Variants in CSMD1 observed in about 807,000 individuals in gnomAD.
CSMD1 encodes the protein CUB and Sushi multiple domains 1, also known as CUB and sushi domain-containing protein 1.
A neutral mutation model predicts 417.5 loss-of-function variants in CSMD1; 213 were observed. The ratio of observed to expected loss-of-function variants is 0.51; its 90% CI spans 0.46 to 0.57. The LOEUF (loss-of-function observed/expected upper bound fraction) is 0.57. Among genes scored for constraint, CSMD1 ranks in the 20% least tolerant of loss-of-function variants. The pLI, the probability that CSMD1 is intolerant of heterozygous loss-of-function variation, is 0.00. For missense variants in CSMD1, 6,923 were observed against 4,529.7 expected (o/e 1.53, Z -15.17); for synonymous variants, 2,862 against 1,736.8 (o/e 1.65, Z -16.11).
In CSMD1 at chr8:3,099,242, A is replaced by T. The variant is rs151209513; in HGVS notation, c.6950-2205T>A. ...CAGAGGGAGGTCGTGGGAAGCATAA[A>T]TAAACTTTACCTACACCCTCCTGTA... is the stretch of plus-strand genomic sequence containing the variant. On this transcript the variant is annotated intron_variant, in intron 46 of 69. Transcript: ENST00000635120. 5.5e-4 allele frequency among the ~76,000 whole-genome samples: 83 copies of T among 152,288 alleles called. 1 individual carries two copies. In the East Asian group the frequency reaches 0.015, roughly 28 times the overall value.
At chr8:3,989,419 A>T (rs1202748573) in intron 5 of CSMD1, among the ~76,000 whole-genome samples, 1 of 152,204 alleles carries the variant, frequency 6.6e-6, no homozygotes, top group Non-Finnish European at 1.5e-5. Flanking sequence ...AACACTCTCC[A>T]AGCTAGGTAA....
chr8:4,792,920 T>A, intron 1 of CSMD1, among the ~76,000 whole-genome samples: 1 of 151,978 alleles, frequency 6.6e-6, no homozygotes. Flanking sequence ...TAGAGTTCAG[T>A]ATGATTAAAA....
At chr8:3,922,635 A>C (rs374840690) in intron 5 of CSMD1, among the ~76,000 whole-genome samples, 11 of 152,306 alleles carry the variant, frequency 7.2e-5, no homozygotes, top group African/African-American at 2.6e-4. Flanking sequence ...ATAAAAATGT[A>C]AATTTGGTCA....
At chr8:3,833,689 C>T (rs1215258964) in intron 5 of CSMD1, among the ~76,000 whole-genome samples, 1 of 152,072 alleles carries the variant, frequency 6.6e-6, no homozygotes, top group Admixed American at 6.6e-5. Context: ...TCCTTTTCTT[C>T]AATCTTTCTG....
chr8:3,823,525 T>C (rs1215084847), intron 5 of CSMD1, among the ~76,000 whole-genome samples: 1 of 152,106 alleles, frequency 6.6e-6, no homozygotes, highest in Admixed American at 6.5e-5. Context: ...CATTTTGTTA[T>C]AAAAATAAAG....
At chr8:3,979,997 C>T (rs1301626728) in intron 5 of CSMD1, among the ~76,000 whole-genome samples, 1 of 152,232 alleles carries the variant, frequency 6.6e-6, no homozygotes, top group Non-Finnish European at 1.5e-5. Flanking sequence ...TTGAACAACT[C>T]ACAGATACTT....
intron 11 of CSMD1, among the ~76,000 whole-genome samples, chr8:3,492,526 T>A (rs544210292): frequency 7.2e-5 from 11 of 152,056 alleles, no homozygotes; most frequent in Non-Finnish European, 1.5e-4. Context: ...ATCTGTGGAG[T>A]TGCAAAGGCA....
Position 3,142,642 on chromosome 8 carries a change from C to T in CSMD1, c.6064G>A (p.Glu2022Lys), listed in dbSNP as rs746245674. 2.5e-6 allele frequency: 4 copies of T among 1,613,800 alleles called. No homozygotes were observed. The highest frequency in any genetic ancestry group is 3.4e-6 in the Non-Finnish European group (4 of 1,179,820). ...AHIQFLNFST[E>K]ANHDFLEIQN... ...ATTTCAAGGAAGTCATGATTAGCTT[C>T]GGTAGAAAAATTCAGAAACTGAATA... Residue 2022 changes from glutamate to lysine, a missense_variant, in exon 41 of 70, where the codon GAA (glutamate) becomes AAA (lysine). Glu to Lys is a moderately conservative substitution (Grantham distance 56). Transcript: ENST00000635120.
intron 3 of CSMD1, among the ~76,000 whole-genome samples, chr8:4,141,604 T>C (rs907966780): frequency 1.3e-5 from 2 of 150,962 alleles, no homozygotes; most frequent in African/African-American, 5.0e-5. Flanking sequence ...AATGGAGTTG[T>C]AACGATTCCT....
At chr8:3,149,043 G>C (rs1315131079) in intron 40 of CSMD1, among the ~76,000 whole-genome samples, 1 of 152,002 alleles carries the variant, frequency 6.6e-6, no homozygotes, top group Non-Finnish European at 1.5e-5. Flanking sequence ...ATTTTTTTAA[G>C]ATTTACATCA....
intron 6 of CSMD1, among the ~76,000 whole-genome samples, chr8:3,721,156 G>GT (rs1802146544): frequency 4.6e-5 from 7 of 151,782 alleles, no homozygotes; most frequent in African/African-American, 1.7e-4. Flanking sequence ...AAGATCAGGT[G>GT]GTCCTGAAAC....
At chr8:4,148,215 A>G (rs191165912) in intron 3 of CSMD1, among the ~76,000 whole-genome samples, 63 of 147,150 alleles carry the variant, frequency 4.3e-4, no homozygotes, top group Admixed American at 1.3e-3. Context: ...ATAAGTTGCT[A>G]TAGACTGGGC....
intron 18 of CSMD1, among the ~76,000 whole-genome samples, chr8:3,380,807 G>C (rs1490269267): frequency 6.6e-6 from 1 of 151,954 alleles, no homozygotes; most frequent in Non-Finnish European, 1.5e-5. Context: ...GGGTTGTTGG[G>C]TGCAGCAAAA....
At chr8:3,281,047 G>GA (rs763399732) in intron 26 of CSMD1, among the ~76,000 whole-genome samples, 165 of 152,294 alleles carry the variant, frequency 1.1e-3, no homozygotes, top group Non-Finnish European at 1.9e-3. Flanking sequence ...CAGGTGAACT[G>GA]AAAACTTACG....
intron 54 of CSMD1, among the ~76,000 whole-genome samples, chr8:2,984,034 C>A (rs570985501): frequency 5.8e-4 from 89 of 152,222 alleles, no homozygotes; most frequent in African/African-American, 2.1e-3. Context: ...AAATAGAAAA[C>A]TGTTAATTAC....
intron 1 of CSMD1, among the ~76,000 whole-genome samples, chr8:4,706,463 C>G (rs1368528820): frequency 1.3e-5 from 2 of 152,156 alleles, no homozygotes; most frequent in South Asian, 4.1e-4. Context: ...TCACAAATGT[C>G]TCTATAATAC....
intron 12 of CSMD1, among the ~76,000 whole-genome samples, chr8:3,421,973 G>A (rs1343847191): frequency 1.3e-5 from 2 of 151,706 alleles, no homozygotes; most frequent in African/African-American, 4.8e-5. Flanking sequence ...ACCACAACCG[G>A]CCCCACAGAT....
At chr8:4,765,909 T>C (rs1032764629) in intron 1 of CSMD1, among the ~76,000 whole-genome samples, 13 of 152,188 alleles carry the variant, frequency 8.5e-5, no homozygotes, top group Middle Eastern at 3.2e-3. Flanking sequence ...TATCATTAAA[T>C]GCCAAAAGGG....
intron 2 of CSMD1, among the ~76,000 whole-genome samples, chr8:4,494,067 T>C (rs148810055): frequency 6.6e-6 from 1 of 152,290 alleles, no homozygotes; most frequent in Non-Finnish European, 1.5e-5. Context: ...GGTCCCATCC[T>C]ATCTAGTGGA....
Sources: gnomAD v4.1 joint callset for allele counts (sites outside exome capture counted in the v4.1 genomes callset) on GRCh38, gnomAD v4.1.1 for gene constraint, MANE v1.5 for transcripts, NCBI Gene and HGNC (gene_info 2026-07-23, HGNC 2026-07-21) for gene names.